CASK: variants seen among roughly 807,000 people sequenced by gnomAD.
CASK encodes the protein calcium/calmodulin dependent serine protein kinase.
Under a neutral mutation model 82.9 loss-of-function variants are expected in CASK, and 4 were observed. That is an observed-to-expected ratio of 0.05 (90% confidence interval 0.02 to 0.11). CASK has a LOEUF of 0.11. Ranked by LOEUF, CASK falls within the 10% of genes least tolerant of loss-of-function variation. CASK has a pLI of 1.00. For synonymous variants in CASK, 259 were observed against 253.5 expected, an observed-to-expected ratio of 1.02 and a Z score of -0.20; for missense variants, 358 against 720.9, an observed-to-expected ratio of 0.50 and a Z score of 5.76.
intron 5 of CASK, among the ~76,000 whole-genome samples, chrX:41,672,940 G>A (rs1404424171): frequency 1.8e-5 from 2 of 112,272 alleles, no homozygotes; most frequent in East Asian, 5.6e-4. Context: ...TTCAAAGAGA[G>A]AACAATGACA....
intron 15 of CASK, among the ~76,000 whole-genome samples, chrX:41,570,004 TTTTTTC>T (rs1223894369): frequency 1.7e-4 from 15 of 87,706 alleles, no homozygotes; most frequent in Non-Finnish European, 2.5e-4. Flanking sequence ...TTTTCTTTTC[TTTTTTC>T]TTTTTTTTTT....
chrX:41,538,733 A>G lies in CASK; in HGVS notation c.2156-3760T>C, dbSNP rs943304761. On this transcript the variant is annotated intron_variant, in intron 22 of 26. Coordinates refer to ENST00000378163, the MANE Select transcript of CASK (RefSeq NM_001367721.1). Reference sequence around the variant, plus strand: ...TTCCAGGTTGAATTTTTTCCATAAAAAAGCCATTAACATTGAATCCTTGTC... The same window carrying G: ...TTCCAGGTTGAATTTTTTCCATAAAGAAGCCATTAACATTGAATCCTTGTC... Among the ~76,000 whole-genome samples, 3 of 112,231 alleles carry G rather than the reference A, an allele frequency of 2.7e-5. 1 individual carries two copies. In the Admixed American group the frequency reaches 2.8e-4, roughly 11 times the overall value.
At chrX:41,556,613 A>G (rs2065162565) in intron 19 of CASK, among the ~76,000 whole-genome samples, 1 of 112,211 alleles carries the variant, frequency 8.9e-6, no homozygotes, top group Non-Finnish European at 1.9e-5. Flanking sequence ...CATGTTGCTG[A>G]TATCACTCAG....
chrX:41,892,126 G>A (rs954159240), intron 1 of CASK, among the ~76,000 whole-genome samples: 8 of 110,630 alleles, frequency 7.2e-5, no homozygotes, highest in Non-Finnish European at 1.3e-4. Context: ...CCAGGAGGTT[G>A]AGGCTGCAGT....
At chrX:41,593,047 A>C (rs749835071) in intron 12 of CASK, among the ~76,000 whole-genome samples, 11 of 111,282 alleles carry the variant, frequency 9.9e-5, no homozygotes, top group Non-Finnish European at 1.7e-4. Flanking sequence ...AATTCAACTC[A>C]CCTAAAGTTC....
intron 1 of CASK, among the ~76,000 whole-genome samples, chrX:41,880,394 T>C (rs777811954): frequency 1.8e-5 from 2 of 111,693 alleles, no homozygotes; most frequent in East Asian, 5.6e-4. Context: ...GATTCCAAAA[T>C]ACCCAGAGAC....
intron 14 of CASK, among the ~76,000 whole-genome samples, chrX:41,580,353 G>C (rs2065555733): frequency 9.0e-6 from 1 of 111,450 alleles, no homozygotes; most frequent in African/African-American, 3.3e-5. Flanking sequence ...GATCATTCTT[G>C]TATTTTTTGT....
chrX:41,522,831 C>T (rs1217633255), intron 26 of CASK, among the ~76,000 whole-genome samples: 2 of 112,663 alleles, frequency 1.8e-5, no homozygotes, highest in African/African-American at 3.2e-5. Context: ...TCCTCGACAA[C>T]AGCTTGTCTG....
At chrX:41,809,333 A>C (rs73624966) in intron 2 of CASK, among the ~76,000 whole-genome samples, 1,192 of 111,564 alleles carry the variant, frequency 0.011, 17 homozygotes, top group African/African-American at 0.036. Context: ...ACTGGGAGGC[A>C]CCCCCCGGCA....
chrX:41,683,562 G>A (rs1485760176), intron 5 of CASK: 1 of 112,298 alleles, frequency 8.9e-6, no homozygotes, highest in East Asian at 2.8e-4. Flanking sequence ...TTGGAAGGTC[G>A]AGGTGGGAGG....
chrX:41,775,275 C>T (rs1259613445), intron 3 of CASK, among the ~76,000 whole-genome samples: 2 of 111,837 alleles, frequency 1.8e-5, no homozygotes, highest in Non-Finnish European at 3.8e-5. Flanking sequence ...CCAAAAGACA[C>T]ATTAAAAACT....
intron 1 of CASK, among the ~76,000 whole-genome samples, chrX:41,896,073 C>T (rs2072265632): frequency 9.0e-6 from 1 of 111,497 alleles, no homozygotes; most frequent in Non-Finnish European, 1.9e-5. Flanking sequence ...GGATGCCTTA[C>T]TGAAAACAAG....
chrX:41,640,783 A>G (rs1486868337), intron 8 of CASK, among the ~76,000 whole-genome samples: 2 of 111,371 alleles, frequency 1.8e-5, no homozygotes, highest in Admixed American at 9.7e-5. Flanking sequence ...AGTTTACTAC[A>G]TATCTGACTG....
intron 16 of CASK, among the ~76,000 whole-genome samples, chrX:41,565,834 C>T (rs749320259): frequency 1.8e-5 from 2 of 111,845 alleles, no homozygotes; most frequent in South Asian, 7.5e-4. Flanking sequence ...CGAAAATCCT[C>T]CATAAAATAC....
chrX:41,623,480 T>C (rs904473451), intron 10 of CASK, among the ~76,000 whole-genome samples: 6 of 111,899 alleles, frequency 5.4e-5, no homozygotes, highest in Admixed American at 1.9e-4. Flanking sequence ...TGGAGTGCAG[T>C]GGCACGATCT....
intron 24 of CASK, among the ~76,000 whole-genome samples, chrX:41,532,127 G>T (rs1310104740): frequency 9.0e-6 from 1 of 110,931 alleles, no homozygotes; most frequent in African/African-American, 3.3e-5. Flanking sequence ...ACAGAGACGG[G>T]GTTTCACCAT....
chrX:41,863,477 G>C (rs1481480033), intron 1 of CASK, among the ~76,000 whole-genome samples: 3 of 112,080 alleles, frequency 2.7e-5, no homozygotes, highest in African/African-American at 9.7e-5. Flanking sequence ...AAAAGAAAAA[G>C]TGCTAAAGGC....
At chrX:41,699,699 CAATT>C (rs2067756865) in intron 5 of CASK, among the ~76,000 whole-genome samples, 2 of 110,184 alleles carry the variant, frequency 1.8e-5, no homozygotes, top group South Asian at 3.9e-4. Context: ...AAAGTATACT[CAATT>C]AATTATTGCT....
At chrX:41,577,283 A>G (rs966638989) in intron 15 of CASK, among the ~76,000 whole-genome samples, 10 of 111,236 alleles carry the variant, frequency 9.0e-5, no homozygotes, top group African/African-American at 3.3e-4. Context: ...CTACTCTTTC[A>G]TTATTTCTTA....
Sources: allele counts gnomAD v4.1 joint callset (sites outside exome capture counted in the v4.1 genomes callset), GRCh38; gene constraint gnomAD v4.1.1; transcripts MANE v1.5; gene names NCBI Gene and HGNC (gene_info 2026-07-23, HGNC 2026-07-21).